GPR155: variants seen among roughly 807,000 people sequenced by gnomAD.
GPR155 encodes G protein-coupled receptor 155.
GPR155 carries 65 observed loss-of-function variants against 93.1 expected under a neutral mutation model. The observed-to-expected ratio is 0.70, with a 90% CI of 0.57 to 0.86. The LOEUF (loss-of-function observed/expected upper bound fraction) is 0.86, where lower values mean the gene tolerates loss of function less well. Ranked by LOEUF, GPR155 falls within the 40% of genes least tolerant of loss-of-function variation. The pLI, the probability that GPR155 is intolerant of heterozygous loss-of-function variation, is 0.00. For synonymous variants in GPR155, 319 were observed against 360.1 expected (o/e 0.89, Z 1.29); for missense variants, 838 against 1,034.8 (o/e 0.81, Z 2.61).
chr2:174,485,713 A>G (rs1574747414), intron 1 of GPR155, among the ~76,000 whole-genome samples: 1 of 152,212 alleles, frequency 6.6e-6, no homozygotes, highest in African/African-American at 2.4e-5. Flanking sequence ...AAATGACTTT[A>G]AAAGTTTCAT....
At chr2:174,462,772 A>G (rs1487395096) in intron 7 of GPR155, among the ~76,000 whole-genome samples, 5 of 152,238 alleles carry the variant, frequency 3.3e-5, no homozygotes, top group African/African-American at 1.2e-4. Flanking sequence ...TTTAATACAA[A>G]CACAAATGTT....
At chr2:174,451,469 T>G (rs949910814) in intron 11 of GPR155, among the ~76,000 whole-genome samples, 1 of 152,180 alleles carries the variant, frequency 6.6e-6, no homozygotes, top group Non-Finnish European at 1.5e-5. Flanking sequence ...TAAATTATAT[T>G]GTCAACTCTA....
intron 13 of GPR155, among the ~76,000 whole-genome samples, chr2:174,444,555 C>T (rs1236881378): frequency 7.2e-6 from 1 of 139,816 alleles, no homozygotes; most frequent in Non-Finnish European, 1.5e-5. Context: ...TGCAGTAGCA[C>T]AGTCTCAGCT....
rs745346560 is a variant in GPR155 at position 174,481,552 on chromosome 2, T to C, written c.405A>G (p.Gly135=). 6.2e-7 allele frequency: 1 copy of C among 1,612,958 alleles called. No individual in the cohort carries two copies. The highest frequency in any genetic ancestry group is 8.5e-7 in the Non-Finnish European group (1 of 1,179,812). ...TTTGTGTAGCAAAAATAGGGAATAG[T>C]CCAGCTTTGCTAAATCGACTATCAG... ...ASPDSRFSKA[G]LFPIFATQSN... Residue 135 remains glycine (G), a synonymous_variant, in exon 2 of 16, where the codon GGA becomes GGG. Transcript: ENST00000392552.
At position 174,432,815 on chromosome 2, in the gene GPR155, G is replaced by A. The variant is rs1686674731; in HGVS notation, c.*3301C>T. 2.1e-5 allele frequency: 3 copies of A among 140,362 alleles called. No homozygotes were observed. In the South Asian group the frequency reaches 6.9e-4, roughly 32 times the overall value. 8.7% of individuals were successfully genotyped at this position (140,362 alleles called of 1,614,324 possible). On this transcript the variant is annotated 3_prime_UTR_variant, in exon 16 of 16. Transcript: ENST00000392552. The stretch of plus-strand genomic sequence containing the variant: ...GTCTCACTCTGTCGCCCAGGCTGGA[G>A]TGCAGTGGCGCGATCTTGGTTCACT...
rs1444965024 is a variant in GPR155 at position 174,432,780 on chromosome 2, T to G, written c.*3336A>C. ...CATGCAGGTTTTTTTTTTTTTTTTT[T>G]TGCGATGGAGTCTCACTCTGTCGCC... On this transcript the variant is annotated 3_prime_UTR_variant, in exon 16 of 16. Transcript: ENST00000392552. 7.8e-6 allele frequency: 1 copy of G among 128,962 alleles called. No homozygotes were observed. Among genetic ancestry groups the G allele is most frequent in the Admixed American group, 7.9e-5 (1 of 12,658 alleles). 8.0% of individuals were successfully genotyped at this position (128,962 alleles called of 1,614,324 possible). A position where few individuals can be genotyped will look rare whatever the true frequency, so the allele number is the denominator to read the frequency against.
At chr2:174,440,859 T>G (rs1686937665) in intron 14 of GPR155, among the ~76,000 whole-genome samples, 1 of 152,120 alleles carries the variant, frequency 6.6e-6, no homozygotes, top group African/African-American at 2.4e-5. Context: ...ACTAAGCTGA[T>G]AAAAAAACCA....
In GPR155 at chr2:174,435,725, C is replaced by T. The variant is rs1343002999; in HGVS notation, c.*391G>A. Reference sequence around the variant, plus strand: ...CTGACCTCAGGTGATCCACCTGACTCGGCCTCCCAAAGTACTGGGATTACA... The same window carrying T: ...CTGACCTCAGGTGATCCACCTGACTTGGCCTCCCAAAGTACTGGGATTACA... On this transcript the variant is annotated 3_prime_UTR_variant, in exon 16 of 16. Transcript: ENST00000392552. 5 of 158,838 alleles carry T rather than the reference C, an allele frequency of 3.1e-5. No homozygotes were observed. Among genetic ancestry groups the T allele is most frequent in the South Asian group, 1.9e-4 (1 of 5,360 alleles). The allele number at this position is 158,838 out of a possible 1,614,324, so 9.8% of individuals were successfully genotyped here.
In GPR155 at chr2:174,436,016, A is replaced by G; in HGVS notation, c.*100T>C. The G allele has an allele frequency of 1.2e-6, 1 of 859,190 alleles. No individual in the cohort carries two copies. Among genetic ancestry groups the G allele is most frequent in the Non-Finnish European group, 1.9e-6 (1 of 532,134 alleles). 53.2% of individuals were successfully genotyped at this position (859,190 alleles called of 1,614,324 possible). A position where few individuals can be genotyped will look rare whatever the true frequency, so the allele number is the denominator to read the frequency against. On this transcript the variant is annotated 3_prime_UTR_variant, in exon 16 of 16. Coordinates refer to ENST00000392552, the MANE Select transcript of GPR155 (RefSeq NM_152529.7). ...TTTACAGAAGAGACAACTGAGGCTC[A>G]GAGAGGTTGCCTCTGTTAACTTGCC...
At chr2:174,478,189 A>G (rs1431101969) in intron 2 of GPR155, among the ~76,000 whole-genome samples, 1 of 152,184 alleles carries the variant, frequency 6.6e-6, no homozygotes, top group Non-Finnish European at 1.5e-5. Context: ...TTGGATTTTT[A>G]AAAGTACTTT....
intron 11 of GPR155, among the ~76,000 whole-genome samples, chr2:174,450,646 A>G (rs1309518999): frequency 1.3e-5 from 2 of 152,234 alleles, no homozygotes; most frequent in South Asian, 4.1e-4. Flanking sequence ...TTTCTACCTT[A>G]GCTCCATTCT....
intron 3 of GPR155, among the ~76,000 whole-genome samples, 182 bp from the exon 4 acceptor site, chr2:174,470,737 G>A (rs1380122483): frequency 1.3e-5 from 2 of 152,060 alleles, no homozygotes; most frequent in South Asian, 2.1e-4. Context: ...AATTCAACTT[G>A]GAGCCATTTA....
intron 3 of GPR155, among the ~76,000 whole-genome samples, chr2:174,471,153 T>C (rs1687984958): frequency 6.6e-6 from 1 of 152,022 alleles, no homozygotes; most frequent in African/African-American, 2.4e-5. Flanking sequence ...TTTGGGAGGC[T>C]GAGGCAGGCG....
rs1214719659 is a variant in GPR155 at position 174,469,070 on chromosome 2, G to A, written c.1027-3C>T. ...CTTATCACCATCCCTGAGGTTATCT[G>A]CAAAAATGAAATCAAACAGAGGAGT... On this transcript the variant is annotated splice_polypyrimidine_tract_variant and splice_region_variant and intron_variant, in intron 4 of 15. Coordinates refer to ENST00000392552, the MANE Select transcript of GPR155 (RefSeq NM_152529.7). 3 of 1,611,954 alleles carry A rather than the reference G, an allele frequency of 1.9e-6. No individual in the cohort carries two copies. Among genetic ancestry groups the A allele is most frequent in the African/African-American group, 1.3e-5 (1 of 74,860 alleles).
intron 1 of GPR155, among the ~76,000 whole-genome samples, chr2:174,483,881 A>T (rs1298149333): frequency 2.0e-5 from 3 of 152,118 alleles, no homozygotes; most frequent in Non-Finnish European, 2.9e-5. Context: ...CACCACGCCC[A>T]GCCAACAATA....
chr2:174,467,999 G>A (rs1687889074), intron 5 of GPR155, among the ~76,000 whole-genome samples: 1 of 152,210 alleles, frequency 6.6e-6, no homozygotes, highest in South Asian at 2.1e-4. Flanking sequence ...GCCTCCCAAA[G>A]TGTTGGGATT....
chr2:174,433,439 T>C lies in GPR155; in HGVS notation c.*2677A>G, dbSNP rs1256594432. 6.6e-6 allele frequency: 1 copy of C among 152,242 alleles called. No individual in the cohort carries two copies. The allele number at this position is 152,242 out of a possible 1,614,324, so 9.4% of individuals were successfully genotyped here. A position where few individuals can be genotyped will look rare whatever the true frequency, so the allele number is the denominator to read the frequency against. On this transcript the variant is annotated 3_prime_UTR_variant, in exon 16 of 16. Coordinates refer to ENST00000392552, the MANE Select transcript of GPR155 (RefSeq NM_152529.7). ...TTTGTTCCAACTGTTGTGTGCTCAGTGTTCAGATTGTGTCTGGAACATGCT... is the reference window on the plus strand; with the variant it reads ...TTTGTTCCAACTGTTGTGTGCTCAGCGTTCAGATTGTGTCTGGAACATGCT...
intron 14 of GPR155, 52 bp downstream of exon 14, chr2:174,442,067 T>G: frequency 1.1e-6 from 1 of 936,036 alleles, no homozygotes; most frequent in Non-Finnish European, 1.8e-6. Flanking sequence ...CTTAATATAA[T>G]GGCTTTGTCA....
rs938850748 is a variant in GPR155, at chr2:174,434,444, T to C, written c.*1672A>G. The C allele has an allele frequency of 6.6e-6, 1 of 152,104 alleles. No individual in the cohort carries two copies. The highest frequency in any genetic ancestry group is 1.5e-5 in the Non-Finnish European group (1 of 68,030). 9.4% of individuals were successfully genotyped at this position (152,104 alleles called of 1,614,324 possible). On this transcript the variant is annotated 3_prime_UTR_variant, in exon 16 of 16. Transcript: ENST00000392552. ...TCAAATTAATCTACTCAAATTATTA[T>C]TTGTAGCATGAAAGTTAAAGATCAG...
Sources: gnomAD v4.1 joint callset for allele counts (sites outside exome capture counted in the v4.1 genomes callset) on GRCh38, gnomAD v4.1.1 for gene constraint, MANE v1.5 for transcripts, NCBI Gene and HGNC (gene_info 2026-07-23, HGNC 2026-07-21) for gene names.